Variants in DLGAP2 observed in about 807,000 individuals in gnomAD.
DLGAP2 encodes the protein DLG associated protein 2.
In DLGAP2, 26 loss-of-function variants were observed where a neutral mutation model predicts 100.3. That is an observed-to-expected ratio of 0.26 (90% CI 0.19 to 0.36). The LOEUF (loss-of-function observed/expected upper bound fraction) is 0.36. DLGAP2 is among the 10% of genes least tolerant of loss of function. The pLI is 1.00. For missense variants in DLGAP2, 1,858 were observed against 1,453.2 expected (o/e 1.28, Z -4.53); for synonymous variants, 886 against 630.1 (o/e 1.41, Z -6.08).
chr8:1,060,238 A>G (rs1368799463), intron 2 of DLGAP2, among the ~76,000 whole-genome samples: 1 of 151,750 alleles, frequency 6.6e-6, no homozygotes, highest in Non-Finnish European at 1.5e-5. Flanking sequence ...ACTGTCTCGC[A>G]GTTCTGGAGG....
intron 6 of DLGAP2, among the ~76,000 whole-genome samples, chr8:1,610,728 A>T (rs1439168764): frequency 6.9e-6 from 1 of 145,256 alleles, no homozygotes; most frequent in Admixed American, 6.7e-5. Flanking sequence ...TCCCACAGAA[A>T]TACAAACTAC....
intron 2 of DLGAP2, among the ~76,000 whole-genome samples, chr8:1,111,339 C>G (rs1482072091): frequency 1.3e-5 from 2 of 152,082 alleles, no homozygotes; most frequent in Non-Finnish European, 2.9e-5. Context: ...GCCAGACTCC[C>G]TGGGTTCACG....
At chr8:1,252,299 T>C (rs1022361579) in intron 2 of DLGAP2, among the ~76,000 whole-genome samples, 1 of 151,736 alleles carries the variant, frequency 6.6e-6, no homozygotes, top group Non-Finnish European at 1.5e-5. Flanking sequence ...CAATGTGGTG[T>C]TGTCATGTGG....
chr8:985,825 C>G (rs1041803576), intron 2 of DLGAP2, among the ~76,000 whole-genome samples: 7 of 152,172 alleles, frequency 4.6e-5, no homozygotes, highest in African/African-American at 1.7e-4. Context: ...TCATTAGCAG[C>G]AAGGACCACA....
intron 1 of DLGAP2, among the ~76,000 whole-genome samples, chr8:816,441 T>G (rs1274729480): frequency 1.3e-5 from 2 of 152,194 alleles, no homozygotes; most frequent in Non-Finnish European, 2.9e-5. Context: ...TCTCAGCATT[T>G]GTTTATCTGG....
At chr8:1,683,269 T>A (rs959443577) in intron 12 of DLGAP2, among the ~76,000 whole-genome samples, 1 of 151,384 alleles carries the variant, frequency 6.6e-6, no homozygotes, top group Non-Finnish European at 1.5e-5. Context: ...TGACACGCGG[T>A]TGGATTTGGT....
intron 1 of DLGAP2, among the ~76,000 whole-genome samples, chr8:745,705 T>A (rs1039823526): frequency 4.6e-5 from 7 of 152,212 alleles, no homozygotes; most frequent in African/African-American, 1.7e-4. Context: ...AAATTCATGG[T>A]GGTACAGCAA....
chr8:872,916 C>A (rs952632540), intron 1 of DLGAP2, among the ~76,000 whole-genome samples: 1 of 152,174 alleles, frequency 6.6e-6, no homozygotes, highest in African/African-American at 2.4e-5. Flanking sequence ...TCCACGGATG[C>A]TCAAGTCCCT....
chr8:793,025 G>T (rs74416283), intron 1 of DLGAP2, among the ~76,000 whole-genome samples: 10,568 of 152,218 alleles, frequency 0.069, 511 homozygotes, highest in East Asian at 0.2. Context: ...AAGATTATTA[G>T]TTGACTTTGT....
intron 1 of DLGAP2, among the ~76,000 whole-genome samples, chr8:873,132 G>C (rs1488130291): frequency 2.0e-5 from 3 of 152,112 alleles, no homozygotes; most frequent in East Asian, 3.8e-4. Flanking sequence ...ACTTAATATA[G>C]TGTAAATGCT....
intron 2 of DLGAP2, among the ~76,000 whole-genome samples, chr8:1,084,318 TGAATCCAGCATA>T (rs941558375): frequency 6.6e-6 from 1 of 152,266 alleles, no homozygotes; most frequent in African/African-American, 2.4e-5. Context: ...CTATGATTTA[TGAATCCAGCATA>T]GAACAATTAA....
At chr8:1,387,968 G>A (rs1796257057) in intron 3 of DLGAP2, among the ~76,000 whole-genome samples, 1 of 152,248 alleles carries the variant, frequency 6.6e-6, no homozygotes, top group African/African-American at 2.4e-5. Context: ...AGGCGTGGAG[G>A]TCCCCAGCGC....
At chr8:811,100 T>G (rs1027856809) in intron 1 of DLGAP2, among the ~76,000 whole-genome samples, 2 of 152,196 alleles carry the variant, frequency 1.3e-5, no homozygotes, top group African/African-American at 4.8e-5. Flanking sequence ...GCACGGTGCC[T>G]CCCCGACCTG....
rs1417171592 is a variant in DLGAP2, at chr8:1,430,013, TATATATATATATATACAC to T, written c.107-71351_107-71334del. Among the ~76,000 whole-genome samples the T allele has an allele frequency of 7.4e-4, 56 of 76,072 alleles. 5 individuals carry two copies. Among genetic ancestry groups the T allele is most frequent in the East Asian group, 2.8e-3 (8 of 2,908 alleles). 49.9% of individuals were successfully genotyped at this position (76,072 alleles called of 152,430 possible). ...GGAGAGATGCATATATATACATATA[TATATATATATATATACAC>T]ACACACACATATGAACTTAGAATTC... On this transcript the variant is annotated intron_variant, in intron 3 of 14. Transcript: ENST00000637795.
chr8:935,129 G>A (rs1184139237), intron 2 of DLGAP2, among the ~76,000 whole-genome samples: 2 of 152,216 alleles, frequency 1.3e-5, no homozygotes, highest in Non-Finnish European at 2.9e-5. Context: ...TGCCATTCCC[G>A]CAGGGGACGC....
chr8:1,231,399 T>C (rs1038116673), intron 2 of DLGAP2, among the ~76,000 whole-genome samples: 11 of 152,166 alleles, frequency 7.2e-5, no homozygotes, highest in African/African-American at 2.7e-4. Context: ...GGAATGTAAA[T>C]TAGTTCAGCC....
chr8:1,490,880 G>T (rs957675416), intron 3 of DLGAP2, among the ~76,000 whole-genome samples: 3 of 151,354 alleles, frequency 2.0e-5, no homozygotes, highest in African/African-American at 4.9e-5. Flanking sequence ...GTTGTGGGGT[G>T]GGGGGACGGG....
chr8:1,458,989 G>C (rs1234370334), intron 3 of DLGAP2, among the ~76,000 whole-genome samples: 1 of 152,112 alleles, frequency 6.6e-6, no homozygotes, highest in Non-Finnish European at 1.5e-5. Flanking sequence ...ATCTACCCGA[G>C]GGGTCACCCT....
At chr8:975,152 A>C (rs909573453) in intron 2 of DLGAP2, among the ~76,000 whole-genome samples, 14 of 152,216 alleles carry the variant, frequency 9.2e-5, no homozygotes, top group African/African-American at 3.1e-4. Context: ...CATGAAATGG[A>C]CAAGTTGTTT....
Sources: allele counts gnomAD v4.1 joint callset (sites outside exome capture counted in the v4.1 genomes callset), GRCh38; gene constraint gnomAD v4.1.1; transcripts MANE v1.5; gene names NCBI Gene and HGNC (gene_info 2026-07-23, HGNC 2026-07-21).